NPRL3: variants seen among roughly 807,000 people sequenced by gnomAD.
NPRL3 encodes NPR3 like, GATOR1 complex subunit.
A neutral mutation model predicts 57.2 loss-of-function variants in NPRL3; 23 were observed. The observed-to-expected ratio is 0.40, with a 90% CI of 0.29 to 0.57. The LOEUF (loss-of-function observed/expected upper bound fraction) is 0.57. NPRL3 is among the 20% of genes least tolerant of loss of function. NPRL3 has a pLI of 0.42. For missense variants in NPRL3, 691 were observed against 767.1 expected (o/e 0.90, Z 1.17); for synonymous variants, 333 against 321.1 (o/e 1.04, Z -0.39).
chr16:132,504 A>C (rs943053730), intron 2 of NPRL3, among the ~76,000 whole-genome samples: 1 of 152,160 alleles, frequency 6.6e-6, no homozygotes, highest in Non-Finnish European at 1.5e-5. Flanking sequence ...GCTGGAATCA[A>C]CTTTTTCCAA....
chr16:109,882 A>G (rs1899712579), intron 7 of NPRL3, among the ~76,000 whole-genome samples: 1 of 152,160 alleles, frequency 6.6e-6, no homozygotes, highest in African/African-American at 2.4e-5. Context: ...TCCCTTGTTC[A>G]TTCTTCTATT....
chr16:123,588 C>T (rs184367253), intron 3 of NPRL3: 1 of 466,732 alleles, frequency 2.1e-6, no homozygotes, highest in African/African-American at 2.0e-5. Context: ...AAAAACATAT[C>T]ACTTTTTTAA....
At chr16:130,325 G>A (rs930555271) in intron 3 of NPRL3, among the ~76,000 whole-genome samples, 197 bp downstream of exon 3, 2 of 152,206 alleles carry the variant, frequency 1.3e-5, no homozygotes, top group African/African-American at 4.8e-5. Context: ...GCTGGAACAG[G>A]TGCCCAAATT....
intron 11 of NPRL3, 72 bp downstream of exon 11, chr16:92,524 C>CA: frequency 6.4e-7 from 1 of 1,551,210 alleles, no homozygotes. Context: ...AGATCAGAAC[C>CA]AACAGCCAGG....
chr16:92,466 C>A, intron 11 of NPRL3, 130 bp downstream of exon 11: 2 of 1,204,210 alleles, frequency 1.7e-6, no homozygotes, highest in South Asian at 1.4e-5. Flanking sequence ...ACTTGCACGG[C>A]AAGCCCCCAA....
chr16:118,410 A>C (rs1253607743), intron 4 of NPRL3, among the ~76,000 whole-genome samples: 1 of 152,186 alleles, frequency 6.6e-6, no homozygotes, highest in Non-Finnish European at 1.5e-5. Context: ...GTGCTAAATA[A>C]TACTAATATT....
At chr16:130,688 ATGCTC>A (rs1416349543) in intron 2 of NPRL3, 97 bp from the exon 3 acceptor site, 1 of 1,153,414 alleles carries the variant, frequency 8.7e-7, no homozygotes, top group African/African-American at 1.5e-5. Flanking sequence ...TTTCCAAAAC[ATGCTC>A]TGTCCATACC....
At chr16:106,608 G>A (rs1232872360) in intron 7 of NPRL3, among the ~76,000 whole-genome samples, 6 of 108,586 alleles carry the variant, frequency 5.5e-5, no homozygotes, top group African/African-American at 1.1e-4. Context: ...CCTGGCAATA[G>A]AGTGAGACCC....
intron 7 of NPRL3, among the ~76,000 whole-genome samples, chr16:110,020 A>G (rs1285713298): frequency 6.6e-6 from 1 of 152,198 alleles, no homozygotes; most frequent in Non-Finnish European, 1.5e-5. Context: ...TCACGCCAGT[A>G]ATCCCAACAC....
intron 2 of NPRL3, among the ~76,000 whole-genome samples, chr16:132,067 G>A (rs919179988): frequency 6.7e-6 from 1 of 150,356 alleles, no homozygotes; most frequent in Non-Finnish European, 1.5e-5. Context: ...GTGCGGTGGT[G>A]TGATCACCGT....
chr16:134,310 G>A (rs1047155197), intron 2 of NPRL3, among the ~76,000 whole-genome samples: 13 of 152,000 alleles, frequency 8.6e-5, no homozygotes, highest in African/African-American at 2.4e-5. Flanking sequence ...AAATTTAAAT[G>A]TACATACACC....
rs1898407191 is a variant in NPRL3 at position 85,426 on chromosome 16, A to C, written c.*1279T>G. 7 of 1,610,082 alleles carry C rather than the reference A, an allele frequency of 4.3e-6. No homozygotes were observed. The highest frequency in any genetic ancestry group is 5.9e-6 in the Non-Finnish European group (7 of 1,178,168). On this transcript the variant is annotated 3_prime_UTR_variant, in exon 14 of 14. Coordinates refer to ENST00000611875, the MANE Select transcript of NPRL3 (RefSeq NM_001077350.3). Reference sequence around the variant, plus strand: ...GGGACGGGGCTTGCGTCTTGCTGCGAGCACTGGAGCCCCTGGAAGGTCTGG... The same window carrying C: ...GGGACGGGGCTTGCGTCTTGCTGCGCGCACTGGAGCCCCTGGAAGGTCTGG...
intron 5 of NPRL3, among the ~76,000 whole-genome samples, chr16:116,259 T>G (rs766210604): frequency 6.6e-6 from 1 of 152,230 alleles, no homozygotes; most frequent in Non-Finnish European, 1.5e-5. Context: ...CCACAGGGGT[T>G]ATCGGTGTTG....
intron 7 of NPRL3, among the ~76,000 whole-genome samples, chr16:107,610 AAAG>A (rs1188553798): frequency 2.7e-5 from 4 of 149,452 alleles, no homozygotes; most frequent in Middle Eastern, 3.2e-3. Flanking sequence ...AAAAAAAAAA[AAAG>A]AAGAAGAAAA....
At chr16:124,619 T>C (rs543131084) in intron 3 of NPRL3, among the ~76,000 whole-genome samples, 2 of 152,204 alleles carry the variant, frequency 1.3e-5, no homozygotes, top group African/African-American at 2.4e-5. Context: ...GTCATATGAA[T>C]TTCACCAGCT....
chr16:121,320 C>A lies in NPRL3; in HGVS notation c.189-2065G>T, dbSNP rs1900268620. On this transcript the variant is annotated intron_variant, in intron 3 of 13. Transcript: ENST00000611875. Reference sequence around the variant, plus strand: ...AGACGGCCAACTGGAAATCTGTGAGCTGAAGTAAAAAGGCACACTGGGCCA... The same window carrying A: ...AGACGGCCAACTGGAAATCTGTGAGATGAAGTAAAAAGGCACACTGGGCCA... Among the ~76,000 whole-genome samples, 5 of 152,246 alleles carry A rather than the reference C, an allele frequency of 3.3e-5. No homozygotes were observed. The South Asian group carries it at 1.0e-3, about 32-fold the overall frequency.
intron 3 of NPRL3, among the ~76,000 whole-genome samples, chr16:129,380 G>A (rs999194724): frequency 6.6e-6 from 1 of 152,054 alleles, no homozygotes; most frequent in Non-Finnish European, 1.5e-5. Flanking sequence ...ACAACCACAG[G>A]CCTCTACATC....
chr16:134,041 C>T (rs942913195), intron 2 of NPRL3, among the ~76,000 whole-genome samples: 3 of 151,970 alleles, frequency 2.0e-5, no homozygotes, highest in Non-Finnish European at 2.9e-5. Context: ...CATGTATCAC[C>T]GTAACAGATA....
intron 5 of NPRL3, among the ~76,000 whole-genome samples, chr16:117,006 T>C (rs1191916403): frequency 6.6e-6 from 1 of 151,404 alleles, no homozygotes; most frequent in Non-Finnish European, 1.5e-5. Flanking sequence ...TGCTAATGGG[T>C]ATGGGGTTTC....
Sources: allele counts gnomAD v4.1 joint callset (sites outside exome capture counted in the v4.1 genomes callset), GRCh38; gene constraint gnomAD v4.1.1; transcripts MANE v1.5; gene names NCBI Gene and HGNC (gene_info 2026-07-23, HGNC 2026-07-21).